Variants in ETF1 observed in about 807,000 individuals in gnomAD.
The protein encoded by ETF1 is eukaryotic translation termination factor 1.
Under a neutral mutation model 55.1 loss-of-function variants are expected in ETF1, and 4 were observed. The observed-to-expected ratio is 0.07, with a 90% CI of 0.04 to 0.17. The LOEUF is 0.17. Among genes scored for constraint, ETF1 ranks in the 10% least tolerant of loss-of-function variants. The probability of loss-of-function intolerance (pLI) is 1.00; values close to 1 mark genes in which losing one functional copy is unlikely to be tolerated. For synonymous variants in ETF1, 157 were observed against 182.3 expected (o/e 0.86, Z 1.12); for missense variants, 142 against 523.6 (o/e 0.27, Z 7.11).
intron 4 of ETF1, among the ~76,000 whole-genome samples, chr5:138,517,173 A>T (rs1765054573): frequency 6.6e-6 from 1 of 152,092 alleles, no homozygotes; most frequent in Non-Finnish European, 1.5e-5. Context: ...GTCTGAGACC[A>T]GCCTGACCAA....
intron 3 of ETF1, among the ~76,000 whole-genome samples, chr5:138,518,189 ACT>A (rs1307162329): frequency 7.9e-6 from 1 of 127,002 alleles, no homozygotes; most frequent in Non-Finnish European, 1.6e-5. Flanking sequence ...ACAGAGCAAG[ACT>A]CTGTCTCATC....
chr5:138,515,267 A>C (rs968375641), intron 4 of ETF1, among the ~76,000 whole-genome samples: 1 of 152,216 alleles, frequency 6.6e-6, no homozygotes, highest in African/African-American at 2.4e-5. Flanking sequence ...TCTACTAAAA[A>C]TACAAAAATT....
intron 2 of ETF1, among the ~76,000 whole-genome samples, chr5:138,536,939 T>C (rs1465325988): frequency 6.6e-6 from 1 of 152,168 alleles, no homozygotes; most frequent in Non-Finnish European, 1.5e-5. Flanking sequence ...GATACTCTAA[T>C]TATGTACTCT....
intron 9 of ETF1, chr5:138,509,262 T>C: frequency 1.3e-6 from 1 of 754,490 alleles, no homozygotes; most frequent in Non-Finnish European, 1.6e-6. Context: ...GGGAGGGTCA[T>C]ACTTTCAACT....
rs912342193 is a variant in ETF1 at position 138,513,720 on chromosome 5, A to G, written c.403-14T>C. The G allele has an allele frequency of 3.1e-6, 5 of 1,591,764 alleles. No homozygotes were observed. In the African/African-American group the frequency reaches 6.7e-5, roughly 21 times the overall value. Reference sequence around the variant, plus strand: ...TGCTGTAAGAGCCTGAAAAGCAAACACAAGTACCACACGGTGAATCCCAAA... The same window carrying G: ...TGCTGTAAGAGCCTGAAAAGCAAACGCAAGTACCACACGGTGAATCCCAAA... On this transcript the variant is annotated splice_polypyrimidine_tract_variant and intron_variant, in intron 4 of 10. Transcript: ENST00000360541.
intron 2 of ETF1, among the ~76,000 whole-genome samples, chr5:138,520,176 A>G (rs532723812): frequency 6.8e-6 from 1 of 146,374 alleles, no homozygotes; most frequent in East Asian, 2.0e-4. Flanking sequence ...AAGCATAAAC[A>G]AGATTGATAA....
At chr5:138,526,588 G>A (rs1239120969) in intron 2 of ETF1, among the ~76,000 whole-genome samples, 8 of 152,116 alleles carry the variant, frequency 5.3e-5, no homozygotes. Context: ...TCAGGCTGGA[G>A]TACAGTGGCA....
chr5:138,530,353 A>G (rs1363989362), intron 2 of ETF1, among the ~76,000 whole-genome samples: 2 of 151,216 alleles, frequency 1.3e-5, no homozygotes, highest in Non-Finnish European at 3.0e-5. Context: ...ATCTCGGCTC[A>G]CTGCAGCTTC....
intron 2 of ETF1, among the ~76,000 whole-genome samples, chr5:138,524,647 G>C (rs1396603366): frequency 6.9e-6 from 1 of 145,416 alleles, no homozygotes; most frequent in East Asian, 2.1e-4. Context: ...GCGCGATCTC[G>C]GCTCACTGTA....
At position 138,507,006 on chromosome 5, in the gene ETF1, T is replaced by C. The variant is rs1430937598; in HGVS notation, c.*1299A>G. On this transcript the variant is annotated 3_prime_UTR_variant, in exon 11 of 11. Coordinates refer to ENST00000360541, the MANE Select transcript of ETF1 (RefSeq NM_004730.4). ...CATCGCTACCACTGGGCACGTACTA[T>C]ACACTTTGTTCAACTGTCACCACCC... 1 of 152,368 alleles carries C rather than the reference T, an allele frequency of 6.6e-6. No individual in the cohort carries two copies. Among genetic ancestry groups the C allele is most frequent in the Non-Finnish European group, 1.5e-5 (1 of 68,044 alleles). The allele number at this position is 152,368 out of a possible 1,614,324, so 9.4% of individuals were successfully genotyped here.
At chr5:138,519,053 T>G (rs1765131305) in intron 2 of ETF1, 186 bp from the exon 3 acceptor site, 1 of 984,286 alleles carries the variant, frequency 1.0e-6, no homozygotes, top group African/African-American at 1.7e-5. Context: ...GGAACAGTGT[T>G]CAGAATCTAG....
At chr5:138,515,860 C>T (rs1004016698) in intron 4 of ETF1, among the ~76,000 whole-genome samples, 1 of 152,202 alleles carries the variant, frequency 6.6e-6, no homozygotes, top group Non-Finnish European at 1.5e-5. Flanking sequence ...AAGAGAAAAA[C>T]AGTCTGGATT....
chr5:138,535,042 T>C (rs1185406114), intron 2 of ETF1, among the ~76,000 whole-genome samples: 1 of 151,372 alleles, frequency 6.6e-6, no homozygotes, highest in African/African-American at 2.4e-5. Context: ...CTTCCGCCTC[T>C]TGGGTTCAAG....
chr5:138,518,322 C>A (rs1043979687), intron 3 of ETF1, among the ~76,000 whole-genome samples: 1 of 151,922 alleles, frequency 6.6e-6, no homozygotes, highest in South Asian at 2.1e-4. Flanking sequence ...TTGATTCTCT[C>A]GCCTCAGCCT....
At chr5:138,510,354 T>C (rs1180213240) in intron 9 of ETF1, among the ~76,000 whole-genome samples, 1 of 49,308 alleles carries the variant, frequency 2.0e-5, no homozygotes, top group African/African-American at 1.1e-4. Context: ...CAAGACCTTG[T>C]CTCAAAAAAA....
chr5:138,538,765 G>A (rs1289132397), intron 2 of ETF1, among the ~76,000 whole-genome samples: 9 of 152,046 alleles, frequency 5.9e-5, no homozygotes, highest in African/African-American at 1.7e-4. Flanking sequence ...TTTACTTGGG[G>A]AAGGTACTCA....
chr5:138,512,551 C>G, intron 6 of ETF1: 1 of 437,118 alleles, frequency 2.3e-6, no homozygotes, highest in Admixed American at 4.5e-5. Context: ...CATAAGAAGC[C>G]CACCTAAAAA....
chr5:138,519,245 G>A (rs1460973424), intron 2 of ETF1: 1 of 966,970 alleles, frequency 1.0e-6, no homozygotes, highest in Non-Finnish European at 1.2e-6. Context: ...TTGAGTGGGA[G>A]ACGCCATGAC....
At chr5:138,542,589 C>A in intron 2 of ETF1, 2 of 1,390,350 alleles carry the variant, frequency 1.4e-6, no homozygotes, top group Non-Finnish European at 1.9e-6. Context: ...TGGCCTACCA[C>A]GAGGGGGGCC....
Sources: gnomAD v4.1 joint callset for allele counts (sites outside exome capture counted in the v4.1 genomes callset) on GRCh38, gnomAD v4.1.1 for gene constraint, MANE v1.5 for transcripts, NCBI Gene and HGNC (gene_info 2026-07-23, HGNC 2026-07-21) for gene names.